The following IFT25 variants were observed in gnomAD, a reference collection of about 807,000 sequenced individuals.
IFT25 encodes intraflagellar transport 25.
the IFT25 span, among the ~76,000 whole-genome samples, chr1:53,941,405 T>G: frequency 3.0e-3 from 457 of 152,358 alleles, 18 homozygotes; most frequent in Admixed American, 0.027. Context: ...CAATATTTTA[T>G]AAAAATGCAT....
the IFT25 span, among the ~76,000 whole-genome samples, chr1:53,920,892 G>A: frequency 1.3e-5 from 2 of 152,148 alleles, no homozygotes; most frequent in African/African-American, 4.8e-5. Context: ...AAAAGTAAAG[G>A]CCGGGTGCGG....
At chr1:53,925,677 A>AG in the IFT25 span, among the ~76,000 whole-genome samples, 1 of 151,656 alleles carries the variant, frequency 6.6e-6, no homozygotes, top group Non-Finnish European at 1.5e-5. Context: ...AAAAAAAAAA[A>AG]GAAAAGAAAA....
At chr1:53,923,975 G>T in the IFT25 span, 2 of 1,487,284 alleles carry the variant, frequency 1.3e-6, no homozygotes, top group Admixed American at 3.4e-5. Flanking sequence ...CAGAAGAAAT[G>T]AGTTAAGGGT....
the IFT25 span, chr1:53,924,009 G>T: frequency 9.7e-7 from 1 of 1,035,040 alleles, no homozygotes; most frequent in Non-Finnish European, 1.5e-6. Flanking sequence ...AATAGCTATT[G>T]AAATTTATGT....
At chr1:53,922,453 T>C in the IFT25 span, among the ~76,000 whole-genome samples, 1 of 152,092 alleles carries the variant, frequency 6.6e-6, no homozygotes, top group Non-Finnish European at 1.5e-5. Context: ...AAGTTTCCTT[T>C]GGTTAATGTT....
the IFT25 span, among the ~76,000 whole-genome samples, chr1:53,943,965 T>G: frequency 5.3e-5 from 8 of 152,212 alleles, no homozygotes; most frequent in Non-Finnish European, 4.4e-5. Flanking sequence ...AGGGTTGATA[T>G]GGAGCAGATG....
the IFT25 span, among the ~76,000 whole-genome samples, chr1:53,913,328 C>T: frequency 5.3e-5 from 8 of 152,178 alleles, no homozygotes; most frequent in Non-Finnish European, 1.2e-4. Context: ...TCTCTCACTT[C>T]CTTAGAGGTT....
the IFT25 span, chr1:53,921,461 CT>C: frequency 5.6e-6 from 3 of 532,348 alleles, no homozygotes; most frequent in African/African-American, 5.7e-5. Flanking sequence ...GAAGCCAAAC[CT>C]TTCTAATTTC....
the IFT25 span, chr1:53,929,944 C>A: frequency 7.0e-7 from 1 of 1,434,568 alleles, no homozygotes; most frequent in East Asian, 2.8e-5. Flanking sequence ...TGCCTTCTGC[C>A]TGTGGAAAAA....
the IFT25 span, among the ~76,000 whole-genome samples, chr1:53,915,199 A>C: frequency 6.6e-6 from 1 of 152,344 alleles, no homozygotes; most frequent in East Asian, 1.9e-4. Flanking sequence ...CACTATTCTA[A>C]GCCCTGAGGA....
At chr1:53,913,916 C>G in the IFT25 span, among the ~76,000 whole-genome samples, 5 of 152,200 alleles carry the variant, frequency 3.3e-5, no homozygotes, top group East Asian at 7.7e-4. Flanking sequence ...ATGCCGGCAC[C>G]CTGATCTCAG....
chr1:53,920,705 G>A, the IFT25 span, among the ~76,000 whole-genome samples: 2 of 152,278 alleles, frequency 1.3e-5, no homozygotes, highest in East Asian at 1.9e-4. Context: ...GGTGGCTCAC[G>A]CCTGCAAACC....
the IFT25 span, among the ~76,000 whole-genome samples, chr1:53,922,762 T>C: frequency 1.8e-4 from 28 of 152,204 alleles, no homozygotes; most frequent in Admixed American, 1.8e-3. Context: ...TTTAAAATTG[T>C]ACTTACGAAG....
the IFT25 span, chr1:53,923,582 C>T: frequency 4.1e-6 from 1 of 243,192 alleles, no homozygotes; most frequent in Non-Finnish European, 7.8e-6. Flanking sequence ...ACCCTTTTTT[C>T]ATTCCTATTC....
chr1:53,914,928 T>G, the IFT25 span, among the ~76,000 whole-genome samples: 3 of 152,250 alleles, frequency 2.0e-5, no homozygotes, highest in Admixed American at 6.5e-5. Context: ...TTGCCTAGAC[T>G]TGGTACATGG....
At chr1:53,944,249 A>G in the IFT25 span, among the ~76,000 whole-genome samples, 5 of 152,238 alleles carry the variant, frequency 3.3e-5, no homozygotes, top group African/African-American at 1.2e-4. Flanking sequence ...CTCGCCTGTA[A>G]TCCTGACACT....
chr1:53,912,291 A>G, the IFT25 span, among the ~76,000 whole-genome samples: 1 of 152,224 alleles, frequency 6.6e-6, no homozygotes, highest in African/African-American at 2.4e-5. Flanking sequence ...AATGACAAAA[A>G]TAGACCCCCG....
At chr1:53,920,724 C>T in the IFT25 span, among the ~76,000 whole-genome samples, 15 of 151,700 alleles carry the variant, frequency 9.9e-5, no homozygotes, top group African/African-American at 3.2e-4. Flanking sequence ...CCCAATGCTT[C>T]GGGAGGCTGA....
chr1:53,915,310 C>T, the IFT25 span, among the ~76,000 whole-genome samples: 1,380 of 152,192 alleles, frequency 9.1e-3, 14 homozygotes, highest in Non-Finnish European at 9.3e-3. Context: ...AGAAAAAATA[C>T]GTTAGACAGT....
Sources: allele counts gnomAD v4.1 joint callset (sites outside exome capture counted in the v4.1 genomes callset), GRCh38; gene constraint gnomAD v4.1.1; transcripts MANE v1.5; gene names NCBI Gene and HGNC (gene_info 2026-07-23, HGNC 2026-07-21).